ZNF474: variants seen among roughly 807,000 people sequenced by gnomAD.
The protein encoded by ZNF474 is 4933409D10Rik.
For synonymous variants in ZNF474, 192 were observed against 162.2 expected, an observed-to-expected ratio of 1.18 and a Z score of -1.39; for missense variants, 511 against 433.8, an observed-to-expected ratio of 1.18 and a Z score of -1.58.
intron 1 of ZNF474, among the ~76,000 whole-genome samples, chr5:122,144,141 C>A (rs902997491): frequency 2.6e-5 from 4 of 152,094 alleles, no homozygotes; most frequent in East Asian, 3.9e-4. Flanking sequence ...TACCCTCCCT[C>A]CTAGACCGAA....
At chr5:122,132,125 C>G (rs1046000970) in intron 1 of ZNF474, among the ~76,000 whole-genome samples, 2 of 152,028 alleles carry the variant, frequency 1.3e-5, no homozygotes, top group African/African-American at 4.8e-5. Flanking sequence ...TTCGGCAGCA[C>G]ATTATTCAAA....
intron 1 of ZNF474, among the ~76,000 whole-genome samples, chr5:122,144,268 C>A (rs1244538568): frequency 1.3e-5 from 2 of 152,132 alleles, no homozygotes; most frequent in African/African-American, 4.8e-5. Flanking sequence ...CAGTTGGATT[C>A]TCAGTTCCTT....
intron 1 of ZNF474, among the ~76,000 whole-genome samples, chr5:122,140,709 A>G (rs1219445009): frequency 2.0e-5 from 3 of 152,318 alleles, no homozygotes; most frequent in South Asian, 2.1e-4. Flanking sequence ...TAATGCTATC[A>G]TTAGTCTTTG....
intron 1 of ZNF474, among the ~76,000 whole-genome samples, chr5:122,145,435 T>C (rs567579318): frequency 6.6e-6 from 1 of 152,118 alleles, no homozygotes; most frequent in African/African-American, 2.4e-5. Context: ...GCAGAACCAG[T>C]GAGAATGAGC....
In ZNF474 at chr5:122,152,485, G is replaced by C. The variant is rs115272628; in HGVS notation, c.495G>C (p.Leu165=). The C allele has an allele frequency of 1.9e-4, 301 of 1,614,190 alleles. 2 individuals are homozygous for C. In the East Asian group the frequency reaches 6.5e-3, roughly 35 times the overall value. ...CATTTCAGAGTGCCCAGGCTCAGCTGCTGCCCTGTGAATCCTGTGGCCGCA... is the reference window on the plus strand; with the variant it reads ...CATTTCAGAGTGCCCAGGCTCAGCTCCTGCCCTGTGAATCCTGTGGCCGCA... The part of the protein sequence containing the change: ...EAAFQSAQAQ[L]LPCESCGRTF... The change falls in exon 2 of 2, where the codon CTG becomes CTC. Residue 165 remains leucine (L), a synonymous_variant. Coordinates refer to ENST00000296600, the MANE Select transcript of ZNF474 (RefSeq NM_207317.3).
At chr5:122,130,224 A>G (rs1755545518) in intron 1 of ZNF474, among the ~76,000 whole-genome samples, 1 of 152,144 alleles carries the variant, frequency 6.6e-6, no homozygotes, top group African/African-American at 2.4e-5. Context: ...TTGAGTTCTT[A>G]AATTCAAGTT....
Position 122,151,839 on chromosome 5 carries a change from ATGAAGCTC to A in ZNF474, c.-148_-141del. The stretch of plus-strand genomic sequence containing the variant: ...CAACATTCCAGACTGCCGTCCTGCA[ATGAAGCTC>A]TGAGTCACGGTCTGTGAGGCTAAGG... On this transcript the variant is annotated 5_prime_UTR_variant, in exon 2 of 2. An upstream open reading frame in the 5' UTR loses its in-frame stop. Transcript: ENST00000296600. 1.1e-6 allele frequency: 1 copy of A among 895,794 alleles called. No homozygotes were observed. The highest frequency in any genetic ancestry group is 1.7e-5 in the African/African-American group (1 of 59,488). The allele number at this position is 895,794 out of a possible 1,614,324, so 55.5% of individuals were successfully genotyped here. A position where few individuals can be genotyped will look rare whatever the true frequency, so the allele number is the denominator to read the frequency against.
chr5:122,136,554 A>G (rs1282893070), intron 1 of ZNF474, among the ~76,000 whole-genome samples: 1 of 152,176 alleles, frequency 6.6e-6, no homozygotes, highest in Non-Finnish European at 1.5e-5. Flanking sequence ...CTGGTTGCTC[A>G]CTACTTGATA....
intron 1 of ZNF474, among the ~76,000 whole-genome samples, chr5:122,135,989 G>A (rs1755690859): frequency 6.6e-6 from 1 of 152,064 alleles, no homozygotes; most frequent in Admixed American, 6.5e-5. Flanking sequence ...GCCAGAGCTG[G>A]GAAGGGTAAT....
In ZNF474 at chr5:122,152,207, A is replaced by C. The variant is rs1367930920; in HGVS notation, c.217A>C (p.Ser73Arg). The change falls in exon 2 of 2, where the codon AGT becomes CGT. Residue 73 changes from serine to arginine, a missense_variant. Coordinates refer to ENST00000296600, the MANE Select transcript of ZNF474 (RefSeq NM_207317.3). ...PGTVILSKLS[S>R]RRIISESQLS... The stretch of plus-strand genomic sequence containing the variant: ...GACTGTGATACTATCAAAACTGTCA[A>C]GTAGAAGAATTATATCGGAAAGCCA... The C allele has an allele frequency of 1.2e-6, 2 of 1,614,172 alleles. No homozygotes were observed. The highest frequency in any genetic ancestry group is 1.7e-6 in the Non-Finnish European group (2 of 1,180,040).
chr5:122,151,705 ATG>A (rs145270704), intron 1 of ZNF474, 72 bp from the exon 2 acceptor site: 7,555 of 203,408 alleles, frequency 0.037, 24 homozygotes, highest in East Asian at 0.064. Flanking sequence ...AACAACCTAA[ATG>A]TGTGTGTGTG....
chr5:122,143,168 A>G (rs1365603257), intron 1 of ZNF474, among the ~76,000 whole-genome samples: 1 of 152,206 alleles, frequency 6.6e-6, no homozygotes, highest in African/African-American at 2.4e-5. Flanking sequence ...GATGTATCAG[A>G]AAGGTTCCTC....
intron 1 of ZNF474, among the ~76,000 whole-genome samples, chr5:122,150,762 C>T (rs914571032): frequency 3.9e-5 from 6 of 152,262 alleles, no homozygotes; most frequent in Admixed American, 2.0e-4. Flanking sequence ...TAAGCTGCCA[C>T]TTCTTCTGGT....
At chr5:122,144,965 G>A (rs1755949257) in intron 1 of ZNF474, among the ~76,000 whole-genome samples, 1 of 152,158 alleles carries the variant, frequency 6.6e-6, no homozygotes, top group Non-Finnish European at 1.5e-5. Context: ...TCTAACAGTA[G>A]TTTTCATAGG....
intron 1 of ZNF474, among the ~76,000 whole-genome samples, chr5:122,133,458 G>T (rs1393187818): frequency 1.3e-5 from 2 of 152,110 alleles, no homozygotes; most frequent in East Asian, 3.9e-4. Context: ...ATATTTTCCA[G>T]CATCTCCAAA....
In ZNF474 at chr5:122,141,095, T is replaced by TTTTTATTTTATTTTA. The variant is rs201853082; in HGVS notation, c.-212-10619_-212-10605dup. Among the ~76,000 whole-genome samples, 300 of 53,300 alleles carry TTTTTATTTTATTTTA rather than the reference T, an allele frequency of 5.6e-3. 1 individual carries two copies. Among genetic ancestry groups the TTTTTATTTTATTTTA allele is most frequent in the Non-Finnish European group, 6.2e-3 (133 of 21,282 alleles). The allele number at this position is 53,300 out of a possible 152,430, so 35.0% of individuals were successfully genotyped here. The stretch of plus-strand genomic sequence containing the variant: ...GTGTTTTCAGCTTTTATTTTTTTAT[T>TTTTTATTTTATTTTA]TTTTATTTTATTTTATTTTATTTTA... On this transcript the variant is annotated intron_variant, in intron 1 of 1. Transcript: ENST00000296600.
intron 1 of ZNF474, among the ~76,000 whole-genome samples, chr5:122,137,351 G>A (rs1277505842): frequency 6.7e-6 from 1 of 149,840 alleles, no homozygotes; most frequent in Non-Finnish European, 1.5e-5. Context: ...GGGAGGCTGA[G>A]GCAGGAGAAT....
At chr5:122,151,626 G>C (rs952759733) in intron 1 of ZNF474, among the ~76,000 whole-genome samples, 153 bp from the exon 2 acceptor site, 1 of 151,702 alleles carries the variant, frequency 6.6e-6, no homozygotes, top group Non-Finnish European at 1.5e-5. Context: ...GCTGGTTACT[G>C]TGCTAGTCAA....
At chr5:122,150,098 C>G (rs1756125148) in intron 1 of ZNF474, among the ~76,000 whole-genome samples, 1 of 152,114 alleles carries the variant, frequency 6.6e-6, no homozygotes, top group African/African-American at 2.4e-5. Flanking sequence ...TAAAATTCCT[C>G]GGTGAACAGA....
Sources: gnomAD v4.1 joint callset for allele counts (sites outside exome capture counted in the v4.1 genomes callset) on GRCh38, gnomAD v4.1.1 for gene constraint, MANE v1.5 for transcripts, NCBI Gene and HGNC (gene_info 2026-07-23, HGNC 2026-07-21) for gene names.